VAV2: variants seen among roughly 807,000 people sequenced by gnomAD.
VAV2 encodes the protein guanine nucleotide exchange factor VAV2.
In VAV2, 67 loss-of-function variants were observed where a neutral mutation model predicts 132.5. That is an observed-to-expected ratio of 0.51 (90% CI 0.42 to 0.62). VAV2 has a LOEUF of 0.62. VAV2 is among the 20% of genes least tolerant of loss of function. The pLI is 0.00. For missense variants in VAV2, 938 were observed against 1,153.6 expected (o/e 0.81, Z 2.71); for synonymous variants, 492 against 443.5 (o/e 1.11, Z -1.37).
chr9:133,954,234 C>A (rs1841667429), intron 1 of VAV2, among the ~76,000 whole-genome samples: 1 of 152,220 alleles, frequency 6.6e-6, no homozygotes, highest in South Asian at 2.1e-4. Flanking sequence ...TGAGAAGCGG[C>A]ATGTGCCTGG....
chr9:133,931,922 A>T (rs952357958), intron 2 of VAV2, among the ~76,000 whole-genome samples: 6 of 152,178 alleles, frequency 3.9e-5, no homozygotes, highest in Admixed American at 3.9e-4. Flanking sequence ...GGTGGGGATA[A>T]CACAGGCGAC....
chr9:133,793,783 C>T (rs934204456), intron 12 of VAV2, among the ~76,000 whole-genome samples: 17 of 152,170 alleles, frequency 1.1e-4, no homozygotes, highest in African/African-American at 3.9e-4. Flanking sequence ...AGGCCCACAG[C>T]GGCACGGGGG....
At position 133,854,315 on chromosome 9, in the gene VAV2, ACC is replaced by A. The variant is rs776747448; in HGVS notation, c.380+7057_380+7058del. 2.2e-4 allele frequency among the ~76,000 whole-genome samples: 33 copies of A among 152,126 alleles called. No individual in the cohort carries two copies. The East Asian group carries it at 6.4e-3, about 29-fold the overall frequency. ...CACACCCATGTGCACCTGCACACACACCCCCATGTGCACATGTACATACACAC... is the reference window on the plus strand; with the variant it reads ...CACACCCATGTGCACCTGCACACACACCCATGTGCACATGTACATACACAC... On this transcript the variant is annotated intron_variant, in intron 3 of 29. Coordinates refer to ENST00000371850, the MANE Select transcript of VAV2 (RefSeq NM_001134398.2).
Position 133,833,042 on chromosome 9 carries a change from G to T in VAV2, c.449+1230C>A, listed in dbSNP as rs569322830. Among the ~76,000 whole-genome samples, 1 of 152,276 alleles carries T rather than the reference G, an allele frequency of 6.6e-6. No homozygotes were observed. Among genetic ancestry groups the T allele is most frequent in the South Asian group, 2.1e-4 (1 of 4,824 alleles). Reference sequence around the variant, plus strand: ...ATGTCCAGAGGAGCTCTGGGAGTCTGGCCAGTGGGATTTGCCAAGGACCCC... The same window carrying T: ...ATGTCCAGAGGAGCTCTGGGAGTCTTGCCAGTGGGATTTGCCAAGGACCCC... On this transcript the variant is annotated intron_variant, in intron 4 of 29. Coordinates refer to ENST00000371850, the MANE Select transcript of VAV2 (RefSeq NM_001134398.2). This position sits in a 1 kb window ranked among gnomAD's most constrained non-coding sequence, Gnocchi z 5.6.
At chr9:133,905,433 C>CAAAAAAAAAAAA (rs5901029) in intron 2 of VAV2, among the ~76,000 whole-genome samples, 1 of 113,294 alleles carries the variant, frequency 8.8e-6, no homozygotes, top group Admixed American at 9.1e-5. Flanking sequence ...GAAACTGTCT[C>CAAAAAAAAAAAA]AAAAAAAAAA....
chr9:133,784,977 A>C (rs1198144771), intron 17 of VAV2, among the ~76,000 whole-genome samples: 1 of 152,098 alleles, frequency 6.6e-6, no homozygotes, highest in African/African-American at 2.4e-5. Flanking sequence ...TTTGCACAAT[A>C]GGATGTTGGG....
At chr9:133,897,409 A>G (rs760402095) in intron 2 of VAV2, among the ~76,000 whole-genome samples, 1 of 152,048 alleles carries the variant, frequency 6.6e-6, no homozygotes, top group Non-Finnish European at 1.5e-5. Context: ...CCTGTAACCC[A>G]CCATCTGGCC....
At chr9:133,782,900 C>T (rs1834060529) in intron 19 of VAV2, among the ~76,000 whole-genome samples, 1 of 152,146 alleles carries the variant, frequency 6.6e-6, no homozygotes, top group African/African-American at 2.4e-5. Flanking sequence ...AGGTATGCCC[C>T]CGACCCAAGG....
At chr9:133,773,695 C>G (rs924643001) in intron 25 of VAV2, among the ~76,000 whole-genome samples, 1 of 152,026 alleles carries the variant, frequency 6.6e-6, no homozygotes, top group Non-Finnish European at 1.5e-5. Context: ...ATGCCTTCTT[C>G]TAGAATGTCT....
rs796836270 is a variant in VAV2, at chr9:133,883,244, T to C, written c.322-21812A>G. Among the ~76,000 whole-genome samples the C allele has an allele frequency of 3.9e-5, 6 of 152,292 alleles. No homozygotes were observed. Among genetic ancestry groups the C allele is most frequent in the African/African-American group, 1.4e-4 (6 of 41,562 alleles). ...ATTTGCTCATTTCACGTTCCCCTAA[T>C]CATGCGAAGAGCCCTGGTAATTGAC... On this transcript the variant is annotated intron_variant, in intron 2 of 29. Coordinates refer to ENST00000371850, the MANE Select transcript of VAV2 (RefSeq NM_001134398.2). This position sits in a 1 kb window ranked among gnomAD's most constrained non-coding sequence, Gnocchi z 4.2.
At position 133,928,988 on chromosome 9, in the gene VAV2, C is replaced by T. The variant is rs1244206228; in HGVS notation, c.321+10115G>A. ...TCACAGCACCACTCCCAGGAGCTTCCTCACGAGACCCAGCCCATGAAAACA... is the reference window on the plus strand; with the variant it reads ...TCACAGCACCACTCCCAGGAGCTTCTTCACGAGACCCAGCCCATGAAAACA... On this transcript the variant is annotated intron_variant, in intron 2 of 29. Coordinates refer to ENST00000371850, the MANE Select transcript of VAV2 (RefSeq NM_001134398.2). The surrounding 1 kb of genome is among the most constrained non-coding windows in gnomAD (Gnocchi z 5.4). Among the ~76,000 whole-genome samples, 1 of 152,186 alleles carries T rather than the reference C, an allele frequency of 6.6e-6. No homozygotes were observed. The highest frequency in any genetic ancestry group is 2.4e-5 in the African/African-American group (1 of 41,434).
chr9:133,871,180 G>A (rs1838021671), intron 2 of VAV2, among the ~76,000 whole-genome samples: 1 of 148,706 alleles, frequency 6.7e-6, no homozygotes, highest in African/African-American at 2.5e-5. Context: ...GGATAGATGA[G>A]TGGGTGGATG....
chr9:133,904,130 G>A (rs1027502877), intron 2 of VAV2, among the ~76,000 whole-genome samples: 3 of 152,162 alleles, frequency 2.0e-5, no homozygotes, highest in Non-Finnish European at 4.4e-5. Flanking sequence ...CCAAATCACA[G>A]ATGAGCGAAT....
intron 3 of VAV2, 154 bp downstream of exon 3, chr9:133,861,220 G>T: frequency 1.3e-6 from 1 of 779,892 alleles, no homozygotes; most frequent in Non-Finnish European, 1.9e-6. Context: ...CCTTCCTGCA[G>T]CCGCCAACGG....
intron 1 of VAV2, among the ~76,000 whole-genome samples, chr9:133,966,322 A>T (rs80228284): frequency 0.04 from 6,074 of 152,344 alleles, 353 homozygotes; most frequent in African/African-American, 0.13. Flanking sequence ...AGCAAAGCAA[A>T]CAATCAACAG....
At chr9:133,904,958 G>A (rs1356430448) in intron 2 of VAV2, among the ~76,000 whole-genome samples, 1 of 152,258 alleles carries the variant, frequency 6.6e-6, no homozygotes, top group South Asian at 2.1e-4. Context: ...CTGGCAGGGA[G>A]GGGATGCAGG....
intron 19 of VAV2, among the ~76,000 whole-genome samples, chr9:133,780,996 C>T (rs376659423): frequency 2.0e-5 from 3 of 152,204 alleles, no homozygotes; most frequent in South Asian, 2.1e-4. Context: ...AAGGTTATCC[C>T]GCCTGGGCCA....
At chr9:133,786,238 T>A (rs1206670213) in intron 16 of VAV2, among the ~76,000 whole-genome samples, 2 of 152,220 alleles carry the variant, frequency 1.3e-5, no homozygotes, top group African/African-American at 4.8e-5. Flanking sequence ...TGTGCATGAG[T>A]GTGCCCAGTG....
At chr9:133,845,834 A>C (rs1469807042) in intron 3 of VAV2, among the ~76,000 whole-genome samples, 1 of 152,224 alleles carries the variant, frequency 6.6e-6, no homozygotes, top group Non-Finnish European at 1.5e-5. Context: ...CCCAGCAGAG[A>C]GCAGGTTTCC....
Sources: gnomAD v4.1 joint callset for allele counts (sites outside exome capture counted in the v4.1 genomes callset) on GRCh38, gnomAD v4.1.1 for gene constraint, Gnocchi (gnomAD v3.1) non-coding constraint, MANE v1.5 for transcripts, NCBI Gene and HGNC (gene_info 2026-07-23, HGNC 2026-07-21) for gene names.